Variants in EXTL3 observed in about 807,000 individuals in gnomAD.
The protein encoded by EXTL3 is exostosin like glycosyltransferase 3, also known as exostosin-like 3.
EXTL3 carries 27 observed loss-of-function variants against 69.3 expected under a neutral mutation model. The ratio of observed to expected loss-of-function variants is 0.39; its 90% confidence interval spans 0.29 to 0.54. The LOEUF (loss-of-function observed/expected upper bound fraction) is 0.54. EXTL3 is among the 20% of genes least tolerant of loss of function. The pLI is 0.69. For missense variants in EXTL3, 1,003 were observed against 1,231.8 expected (o/e 0.81, Z 2.78); for synonymous variants, 511 against 499.4 (o/e 1.02, Z -0.31).
chr8:28,628,143 C>A (rs1342123195), intron 1 of EXTL3, among the ~76,000 whole-genome samples: 1 of 152,220 alleles, frequency 6.6e-6, no homozygotes, highest in Non-Finnish European at 1.5e-5. Flanking sequence ...TAGTGGATCA[C>A]CTGAGGTCAG....
chr8:28,621,353 T>C (rs79454158), upstream of EXTL3, among the ~76,000 whole-genome samples: 2,391 of 152,302 alleles, frequency 0.016, 48 homozygotes, highest in African/African-American at 0.046. Context: ...GCTGGCCATC[T>C]ACAACCCAGG....
chr8:28,695,185 A>C (rs1175060966), intron 1 of EXTL3, among the ~76,000 whole-genome samples: 4 of 145,946 alleles, frequency 2.7e-5, no homozygotes, highest in African/African-American at 1.0e-4. Context: ...GCTACAGTGC[A>C]GTGGCGGCAT....
upstream of EXTL3, among the ~76,000 whole-genome samples, chr8:28,619,311 A>AAAAAAAAAAAAC (rs1478312916): frequency 3.4e-4 from 41 of 121,494 alleles, 2 homozygotes; most frequent in Non-Finnish European, 5.9e-4. Context: ...AAAAAAAAAA[A>AAAAAAAAAAAAC]AAAACCCTGT....
Position 28,717,122 on chromosome 8 carries a change from T to A in EXTL3, c.1063T>A (p.Ser355Thr). Residue 355 changes from serine (S) to threonine (T), a missense_variant, in exon 3 of 7, where the codon TCT becomes ACT. Coordinates refer to ENST00000220562, the MANE Select transcript of EXTL3 (RefSeq NM_001440.4). This position sits in a 1 kb window ranked among gnomAD's most constrained non-coding sequence, Gnocchi z 8.3. ...FQGEKIESLR[S>T]SLQEARSFEE... ...GGGCGAGAAGATTGAGTCTCTGAGG[T>A]CTAGCCTTCAGGAGGCCCGCTCCTT... 2 of 1,614,188 alleles carry A rather than the reference T, an allele frequency of 1.2e-6. No homozygotes were observed. The highest frequency in any genetic ancestry group is 1.7e-6 in the Non-Finnish European group (2 of 1,180,026).
chr8:28,627,488 CAAAAA>C (rs35382851), intron 1 of EXTL3, among the ~76,000 whole-genome samples: 1 of 92,978 alleles, frequency 1.1e-5, no homozygotes, highest in Non-Finnish European at 2.2e-5. Flanking sequence ...GACCCTGTCT[CAAAAA>C]AAAAAAAAAA....
rs761799491 is a variant in EXTL3 at position 28,753,493 on chromosome 8, C to G, written c.*2627C>G. The G allele has an allele frequency of 6.6e-6, 1 of 152,662 alleles. No individual in the cohort carries two copies. Among genetic ancestry groups the G allele is most frequent in the African/African-American group, 2.4e-5 (1 of 41,414 alleles). The allele number at this position is 152,662 out of a possible 1,614,324, so 9.5% of individuals were successfully genotyped here. A position where few individuals can be genotyped will look rare whatever the true frequency, so the allele number is the denominator to read the frequency against. ...GGACTGTGCCTCAGGCCAGGGCTCA[C>G]CAGCTGGGGTCCTGTCCGGAAGGAT... On this transcript the variant is annotated 3_prime_UTR_variant, in exon 7 of 7. Transcript: ENST00000220562.
In EXTL3 at chr8:28,752,776, G is replaced by C. The variant is rs11783222; in HGVS notation, c.*1910G>C. 6.5e-6 allele frequency: 1 copy of C among 153,114 alleles called. No individual in the cohort carries two copies. Among genetic ancestry groups the C allele is most frequent in the African/African-American group, 2.4e-5 (1 of 41,566 alleles). 9.5% of individuals were successfully genotyped at this position (153,114 alleles called of 1,614,324 possible). A position where few individuals can be genotyped will look rare whatever the true frequency, so the allele number is the denominator to read the frequency against. On this transcript the variant is annotated 3_prime_UTR_variant, in exon 7 of 7. Transcript: ENST00000220562. ...TGACTCCTGACTTGTATTCCTTTTAGCAGTAGCCTTCTTCCCTCGGGGAGC... is the reference window on the plus strand; with the variant it reads ...TGACTCCTGACTTGTATTCCTTTTACCAGTAGCCTTCTTCCCTCGGGGAGC...
At chr8:28,705,475 T>C (rs926585082) in intron 1 of EXTL3, among the ~76,000 whole-genome samples, 24 of 151,856 alleles carry the variant, frequency 1.6e-4, no homozygotes, top group African/African-American at 5.1e-4. Flanking sequence ...CCCAGCACTT[T>C]GGGAGGCGGA....
At chr8:28,625,496 C>A (rs1280197341) in intron 1 of EXTL3, among the ~76,000 whole-genome samples, 1 of 152,116 alleles carries the variant, frequency 6.6e-6, no homozygotes, top group Non-Finnish European at 1.5e-5. Context: ...AAATAATAGT[C>A]ATGTAATGTG....
chr8:28,739,712 G>A (rs1801735781), intron 5 of EXTL3, among the ~76,000 whole-genome samples: 1 of 152,130 alleles, frequency 6.6e-6, no homozygotes, highest in African/African-American at 2.4e-5. Flanking sequence ...GTGTGAAGTT[G>A]ATACACTCAT....
intron 3 of EXTL3, among the ~76,000 whole-genome samples, chr8:28,722,567 G>A (rs1801315725): frequency 6.6e-6 from 1 of 151,982 alleles, no homozygotes; most frequent in African/African-American, 2.4e-5. Context: ...CTTGAGCCTA[G>A]GGGTTTGAGA....
intron 3 of EXTL3, among the ~76,000 whole-genome samples, chr8:28,728,233 T>TC (rs1554486229): frequency 6.6e-6 from 1 of 152,236 alleles, no homozygotes; most frequent in Non-Finnish European, 1.5e-5. Flanking sequence ...GATGGCCTCT[T>TC]ACCATTGCTG....
chr8:28,652,551 G>A (rs1197400125), intron 1 of EXTL3, among the ~76,000 whole-genome samples: 1 of 152,040 alleles, frequency 6.6e-6, no homozygotes, highest in East Asian at 1.9e-4. Flanking sequence ...CTACTCAAGA[G>A]GCTGAGGTGG....
intron 1 of EXTL3, chr8:28,631,310 T>A (rs1806567669): frequency 1.3e-5 from 2 of 152,186 alleles, no homozygotes. Context: ...TCTGGAGTTA[T>A]GACTGATGTG....
intron 1 of EXTL3, among the ~76,000 whole-genome samples, chr8:28,636,895 C>T (rs899809509): frequency 3.1e-4 from 47 of 151,420 alleles, no homozygotes; most frequent in African/African-American, 1.0e-3. Flanking sequence ...CCTGTAATCC[C>T]GGCTTGAACC....
chr8:28,721,632 T>G (rs1435525962), intron 3 of EXTL3, among the ~76,000 whole-genome samples: 1 of 152,184 alleles, frequency 6.6e-6, no homozygotes, highest in Admixed American at 6.5e-5. Flanking sequence ...GTGCAGAGGT[T>G]ATAGTTGTCA....
rs1350129445 is a variant in EXTL3 at position 28,724,656 on chromosome 8, C to T, written c.2148+6449C>T. On this transcript the variant is annotated intron_variant, in intron 3 of 6. Coordinates refer to ENST00000220562, the MANE Select transcript of EXTL3 (RefSeq NM_001440.4). ...AAGAAAAAAAAATACAAAAATTAGC[C>T]AGGTGCAGTGGCGGACGCCTGTAAT... Among the ~76,000 whole-genome samples the T allele has an allele frequency of 5.3e-5, 8 of 151,820 alleles. No homozygotes were observed. In the East Asian group the frequency reaches 1.5e-3, roughly 29 times the overall value.
Position 28,612,191 on chromosome 8 carries a change from C to T in EXTL3, n.314+4433C>T, listed in dbSNP as rs139969116. Among the ~76,000 whole-genome samples, 239 of 152,302 alleles carry T rather than the reference C, an allele frequency of 1.6e-3. 4 individuals are homozygous for T. The highest frequency in any genetic ancestry group is 4.8e-3 in the African/African-American group (200 of 41,572). On this transcript the variant is annotated intron_variant and non_coding_transcript_variant, in intron 2 of 4. Transcript: ENST00000522725. ...AAGGTGGGCCAGGCATGGTGGCTCA[C>T]GCCTGTAATCCCAGCACTTTGGAAG...
intron 5 of EXTL3, among the ~76,000 whole-genome samples, chr8:28,739,217 T>C (rs1801723652): frequency 6.6e-6 from 1 of 152,230 alleles, no homozygotes; most frequent in African/African-American, 2.4e-5. Context: ...CCAGGAAAGC[T>C]CACCGTCTCT....
Sources: allele counts gnomAD v4.1 joint callset (sites outside exome capture counted in the v4.1 genomes callset), GRCh38; gene constraint gnomAD v4.1.1; non-coding constraint Gnocchi (gnomAD v3.1); transcripts MANE v1.5; gene names NCBI Gene and HGNC (gene_info 2026-07-23, HGNC 2026-07-21).